NFASC: variants seen among roughly 807,000 people sequenced by gnomAD.
NFASC encodes neurofascin homolog.
In NFASC, 43 loss-of-function variants were observed where a neutral mutation model predicts 147.5. That is an observed-to-expected ratio of 0.29 (90% CI 0.23 to 0.38). The LOEUF (loss-of-function observed/expected upper bound fraction) is 0.38, where lower values mean the gene tolerates loss of function less well. NFASC is among the 10% of genes least tolerant of loss of function. NFASC has a pLI of 1.00. For missense variants in NFASC, 1,320 were observed against 1,689.0 expected, an observed-to-expected ratio of 0.78 and a Z score of 3.83; for synonymous variants, 622 against 665.5, an observed-to-expected ratio of 0.93 and a Z score of 1.01.
chr1:204,968,082 G>T lies in NFASC; in HGVS notation c.707-167G>T. 1 of 592,770 alleles carries T rather than the reference G, an allele frequency of 1.7e-6. No homozygotes were observed. Among genetic ancestry groups the T allele is most frequent in the Non-Finnish European group, 3.0e-6 (1 of 328,322 alleles). 36.7% of individuals were successfully genotyped at this position (592,770 alleles called of 1,614,324 possible). ...TGTAGGTGGGGCTGAGGAGCCCTGG[G>T]CTTCCTAACACACCTCACTTAATGA... is the stretch of plus-strand genomic sequence containing the variant. On this transcript the variant is annotated intron_variant, in intron 8 of 29. Transcript: ENST00000339876. The surrounding 1 kb of genome is among the most constrained non-coding windows in gnomAD (Gnocchi z 5.4).
At chr1:204,870,571 C>T (rs1052391249) in intron 1 of NFASC, 10 of 716,294 alleles carry the variant, frequency 1.4e-5, no homozygotes, top group Non-Finnish European at 1.7e-5. Flanking sequence ...GAGCCTGGCC[C>T]GGCCTGGTAC....
chr1:204,944,467 G>A, intron 3 of NFASC, 61 bp downstream of exon 3: 2 of 1,035,232 alleles, frequency 1.9e-6, no homozygotes, highest in Non-Finnish European at 1.4e-6. Flanking sequence ...GGGTGGGAGG[G>A]GAGGGAAGGT....
intron 1 of NFASC, among the ~76,000 whole-genome samples, chr1:204,835,395 T>C (rs933125732): frequency 6.6e-6 from 1 of 151,786 alleles, no homozygotes; most frequent in Non-Finnish European, 1.5e-5. Context: ...ACCCCGCTAA[T>C]TTTTGTATTT....
Position 204,890,577 on chromosome 1 carries a change from T to C in NFASC, c.-199-30055T>C, listed in dbSNP as rs1233477028. 2.3e-4 allele frequency among the ~76,000 whole-genome samples: 34 copies of C among 148,440 alleles called. 1 individual carries two copies. In the East Asian group the frequency reaches 6.6e-3, roughly 29 times the overall value. ...AAGCAGGGAGGCACTTTTTTTTTTT[T>C]CTTTTTTTTTGAGATGGAGTCTCAC... On this transcript the variant is annotated intron_variant, in intron 1 of 29. Coordinates refer to ENST00000339876, the MANE Select transcript of NFASC (RefSeq NM_001005388.3).
intron 1 of NFASC, among the ~76,000 whole-genome samples, chr1:204,908,424 GGAA>G (rs907788271): frequency 6.6e-6 from 1 of 152,024 alleles, no homozygotes. Context: ...AAATTGGAAA[GGAA>G]GATATATTAT....
intron 2 of NFASC, among the ~76,000 whole-genome samples, chr1:204,934,117 G>A (rs1343154378): frequency 7.3e-6 from 1 of 137,424 alleles, no homozygotes; most frequent in Admixed American, 7.8e-5. Flanking sequence ...CACCCCGGGC[G>A]ACAGAGTGAG....
chr1:204,885,750 A>G (rs2081199860), intron 1 of NFASC, among the ~76,000 whole-genome samples: 1 of 152,192 alleles, frequency 6.6e-6, no homozygotes, highest in Non-Finnish European at 1.5e-5. Context: ...TCAGTTTGTG[A>G]GTTCCATAAC....
chr1:204,921,464 CAT>C (rs2090464983), intron 2 of NFASC, among the ~76,000 whole-genome samples: 2 of 152,170 alleles, frequency 1.3e-5, no homozygotes, highest in Non-Finnish European at 2.9e-5. Context: ...TGAGTTTGGG[CAT>C]CTCTACCTCA....
At chr1:204,972,883 A>G (rs1318837406) in intron 11 of NFASC, among the ~76,000 whole-genome samples, 3 of 152,320 alleles carry the variant, frequency 2.0e-5, no homozygotes, top group East Asian at 1.9e-4. Context: ...AAACCCCATG[A>G]GGTGATCTGT....
intron 1 of NFASC, among the ~76,000 whole-genome samples, chr1:204,846,058 T>C (rs1421995307): frequency 6.6e-6 from 1 of 151,428 alleles, no homozygotes; most frequent in Non-Finnish European, 1.5e-5. Context: ...GACTTCTGAT[T>C]TAAAAATGGG....
chr1:204,884,579 G>T (rs2080939930), intron 1 of NFASC, among the ~76,000 whole-genome samples: 1 of 152,156 alleles, frequency 6.6e-6, no homozygotes, highest in South Asian at 2.1e-4. Context: ...AGGACACCTA[G>T]ATTTGTACCT....
At chr1:204,989,228 G>A (rs1412102470) in intron 23 of NFASC, 2 of 216,196 alleles carry the variant, frequency 9.3e-6, no homozygotes, top group Non-Finnish European at 1.9e-5. Flanking sequence ...TTCTTTCTTC[G>A]AAGGCACATG....
chr1:204,950,697 C>A, intron 4 of NFASC, 123 bp downstream of exon 4: 1 of 870,574 alleles, frequency 1.1e-6, no homozygotes, highest in East Asian at 2.6e-5. Flanking sequence ...TACCAGAGCC[C>A]TGTAGTGAGG....
At chr1:204,914,879 A>G (rs2088764469) in intron 1 of NFASC, among the ~76,000 whole-genome samples, 1 of 152,202 alleles carries the variant, frequency 6.6e-6, no homozygotes, top group Admixed American at 6.5e-5. Flanking sequence ...TATTGTAGCA[A>G]TTTTCTATAT....
Position 204,979,051 on chromosome 1 carries a change from A to G in NFASC, c.1960A>G (p.Asn654Asp). ...VRLTWIPGDANNSPITDYVVQ... is the reference protein window; with the variant it reads ...VRLTWIPGDADNSPITDYVVQ... Reference sequence around the variant, plus strand: ...GCTGACCTGGATCCCCGGGGATGCTAACAACAGCCCCATCACAGGTAGCTC... The same window carrying G: ...GCTGACCTGGATCCCCGGGGATGCTGACAACAGCCCCATCACAGGTAGCTC... Residue 654 changes from asparagine (N) to aspartate (D), a missense_variant, in exon 18 of 30, where the codon AAC becomes GAC. Physicochemically the swap from Asn to Asp is conservative, Grantham distance 23 (BLOSUM62 1). Around this residue, in one of 3 missense-constraint regions of NFASC, gnomAD observed 981 missense variants for 1,289.5 expected, o/e 0.76. Transcript: ENST00000339876. This position sits in a 1 kb window ranked among gnomAD's most constrained non-coding sequence, Gnocchi z 6.0. 1.3e-6 allele frequency: 2 copies of G among 1,561,826 alleles called. No homozygotes were observed. The highest frequency in any genetic ancestry group is 1.7e-6 in the Non-Finnish European group (2 of 1,152,148).
rs376343688 is a variant in NFASC at position 204,980,483 on chromosome 1, G to A, written c.2247+43G>A. 2.5e-4 allele frequency: 364 copies of A among 1,446,884 alleles called. 1 individual carries two copies. The highest frequency in any genetic ancestry group is 3.0e-4 in the Non-Finnish European group (311 of 1,041,074). 89.6% of individuals were successfully genotyped at this position (1,446,884 alleles called of 1,614,324 possible). A position where few individuals can be genotyped will look rare whatever the true frequency, so the allele number is the denominator to read the frequency against. ...CCCCAGTGGAGCAGCTCACCTTGCCGCATGCACCGGGAGCCCCTCTCCCTT... is the reference window on the plus strand; with the variant it reads ...CCCCAGTGGAGCAGCTCACCTTGCCACATGCACCGGGAGCCCCTCTCCCTT... On this transcript the variant is annotated intron_variant, in intron 20 of 29. Coordinates refer to ENST00000339876, the MANE Select transcript of NFASC (RefSeq NM_001005388.3).
rs1458623862 is a variant in NFASC, at chr1:204,956,206, C to T, written c.535+1255C>T. ...GTTACAAGAATTATCCATAACAGGC[C>T]TCCCTGGTCTTTCTAAAAATGTGAT... On this transcript the variant is annotated intron_variant, in intron 7 of 29. Coordinates refer to ENST00000339876, the MANE Select transcript of NFASC (RefSeq NM_001005388.3). Among the ~76,000 whole-genome samples, 3 of 152,180 alleles carry T rather than the reference C, an allele frequency of 2.0e-5. No homozygotes were observed. In the East Asian group the frequency reaches 5.8e-4, roughly 29 times the overall value.
In NFASC at chr1:204,954,343, T is replaced by C. The variant is rs374043011; in HGVS notation, c.371T>C (p.Phe124Ser). Residue 124 changes from phenylalanine to serine, a missense_variant, in exon 6 of 30, where the codon TTT (phenylalanine) becomes TCT (serine). This residue lies in a region of NFASC where 981 missense variants were observed against 1,289.5 expected (regional missense o/e 0.76). Transcript: ENST00000339876. The surrounding 1 kb of genome is among the most constrained non-coding windows in gnomAD (Gnocchi z 5.7). Reference sequence around the variant, plus strand: ...TATCAGTGCTTCGCCCGCAACAAATTTGGCACGGCCCTGTCCAATAGGATC... The same window carrying C: ...TATCAGTGCTTCGCCCGCAACAAATCTGGCACGGCCCTGTCCAATAGGATC... ...GEYQCFARNK[F>S]GTALSNRIRL... The C allele has an allele frequency of 1.2e-6, 2 of 1,614,128 alleles. No homozygotes were observed. The highest frequency in any genetic ancestry group is 1.7e-6 in the Non-Finnish European group (2 of 1,180,026).
rs994575452 is a variant in NFASC at position 205,018,382 on chromosome 1, A to G, written c.*1843A>G. On this transcript the variant is annotated 3_prime_UTR_variant, in exon 30 of 30. Coordinates refer to ENST00000339876, the MANE Select transcript of NFASC (RefSeq NM_001005388.3). ...TGTTTAAGCCGCAAAGGTATTAGCAATGCTTGCATCATTAATAATCATTCA... is the reference window on the plus strand; with the variant it reads ...TGTTTAAGCCGCAAAGGTATTAGCAGTGCTTGCATCATTAATAATCATTCA... The G allele has an allele frequency of 4.6e-5, 7 of 152,722 alleles. No individual in the cohort carries two copies. Among genetic ancestry groups the G allele is most frequent in the African/African-American group, 1.4e-4 (6 of 41,482 alleles). The allele number at this position is 152,722 out of a possible 1,614,324, so 9.5% of individuals were successfully genotyped here.
Sources: gnomAD v4.1 joint callset for allele counts (sites outside exome capture counted in the v4.1 genomes callset) on GRCh38, gnomAD v4.1.1 for gene constraint, gnomAD v4.1.1 regional missense constraint, Gnocchi (gnomAD v3.1) non-coding constraint, MANE v1.5 for transcripts, NCBI Gene and HGNC (gene_info 2026-07-23, HGNC 2026-07-21) for gene names.